The following ZNF273 variants were observed in gnomAD, a reference collection of about 807,000 sequenced individuals.
ZNF273 encodes zinc finger protein 9.
In ZNF273, 11 loss-of-function variants were observed where a neutral mutation model predicts 14.9. The ratio of observed to expected loss-of-function variants is 0.74; its 90% CI spans 0.46 to 1.22. ZNF273 has a LOEUF of 1.22. Among genes scored for constraint, ZNF273 ranks in the 50% most tolerant of loss-of-function variants. The pLI is 0.00. For synonymous variants in ZNF273, 199 were observed against 223.9 expected, an observed-to-expected ratio of 0.89 and a Z score of 0.99; for missense variants, 577 against 660.6, an observed-to-expected ratio of 0.87 and a Z score of 1.39.
chr7:64,901,604 G>A (rs1381017070), upstream of ZNF273, among the ~76,000 whole-genome samples: 4 of 152,166 alleles, frequency 2.6e-5, 1 homozygote, highest in Admixed American at 2.0e-4. Flanking sequence ...CAGATGATAG[G>A]TGATTATTTC....
intron 3 of ZNF273, among the ~76,000 whole-genome samples, chr7:64,924,952 G>A (rs140369525): frequency 1.6e-3 from 244 of 151,970 alleles, no homozygotes; most frequent in Non-Finnish European, 2.4e-3. Context: ...ACAGGCACCC[G>A]CCACCATGCC....
intron 3 of ZNF273, among the ~76,000 whole-genome samples, chr7:64,896,605 A>G (rs1792376763): frequency 6.6e-6 from 1 of 152,114 alleles, no homozygotes; most frequent in Non-Finnish European, 1.5e-5. Context: ...TATTTACTAT[A>G]ATATATTTAG....
upstream of ZNF273, among the ~76,000 whole-genome samples, chr7:64,902,988 T>G (rs1792824417): frequency 6.6e-6 from 1 of 152,204 alleles, no homozygotes; most frequent in African/African-American, 2.4e-5. Context: ...CACACTATAC[T>G]ATTTATTAAT....
At chr7:64,889,140 A>T (rs1039335059), downstream of ZNF273, 6 of 985,700 alleles carry the variant, frequency 6.1e-6, no homozygotes, top group Non-Finnish European at 7.2e-6. The surrounding 1 kb of genome is among the most constrained non-coding windows in gnomAD (Gnocchi z 4.2). Flanking sequence ...CTCGTTGCGG[A>T]GGGGACGCCC....
At chr7:64,889,319 T>C, downstream of ZNF273, 3 of 963,242 alleles carry the variant, frequency 3.1e-6, no homozygotes, top group Non-Finnish European at 3.7e-6. This position sits in a 1 kb window ranked among gnomAD's most constrained non-coding sequence, Gnocchi z 4.2. Context: ...GCCTGAGCCG[T>C]ACCCACCGCG....
upstream of ZNF273, among the ~76,000 whole-genome samples, chr7:64,898,593 T>C (rs1380009063): frequency 2.0e-5 from 3 of 152,228 alleles, no homozygotes; most frequent in East Asian, 1.9e-4. Flanking sequence ...AAATAAACAA[T>C]CTTTTACTAA....
At chr7:64,884,619 A>G (rs2129033361), downstream of ZNF273, among the ~76,000 whole-genome samples, 1 of 152,270 alleles carries the variant, frequency 6.6e-6, no homozygotes, top group East Asian at 1.9e-4. Flanking sequence ...AGTGAGCTCA[A>G]AGGCCTCACA....
At chr7:64,896,376 C>A (rs1017314830) in intron 3 of ZNF273, among the ~76,000 whole-genome samples, 7 of 152,168 alleles carry the variant, frequency 4.6e-5, no homozygotes, top group Non-Finnish European at 8.8e-5. Context: ...AAAACAGTGG[C>A]TTTAAAACTC....
exon 2 of ZNF273, chr7:64,888,721 GGGA>G (rs2129039635): frequency 1.0e-6 from 1 of 985,780 alleles, no homozygotes; most frequent in Admixed American, 6.1e-5. Flanking sequence ...ACAGCGGGAT[GGGA>G]GAGTCCCGTT....
chr7:64,928,972 C>T lies in ZNF273; in HGVS notation c.1644C>T (p.Asp548=). ...AACCATACAAACCTAAAAGATGTGA[C>T]AGTGCTTTTGACAACACCCCAAACT... ...GEKPYKPKRC[D]SAFDNTPNFS... is the part of the protein sequence containing the mutation. The change falls in exon 4 of 4, where the codon GAC becomes GAT. Residue 548 remains aspartate (D), a synonymous_variant. Transcript: ENST00000476120. 6.3e-7 allele frequency: 1 copy of T among 1,599,964 alleles called. No homozygotes were observed. The highest frequency in any genetic ancestry group is 1.1e-5 in the South Asian group (1 of 88,556).
downstream of ZNF273, chr7:64,889,582 G>A: frequency 1.0e-6 from 1 of 986,206 alleles, no homozygotes; most frequent in Non-Finnish European, 1.2e-6. This position sits in a 1 kb window ranked among gnomAD's most constrained non-coding sequence, Gnocchi z 4.2. Context: ...AGTGAGATGG[G>A]GCTGGCGGGG....
At chr7:64,880,261 C>A (rs1240190085), downstream of ZNF273, 7 of 152,192 alleles carry the variant, frequency 4.6e-5, no homozygotes, top group African/African-American at 1.4e-4. Flanking sequence ...GGATACATCG[C>A]GAAATCCCTA....
chr7:64,884,166 T>C (rs1791442925), downstream of ZNF273, among the ~76,000 whole-genome samples: 1 of 152,210 alleles, frequency 6.6e-6, no homozygotes, highest in Non-Finnish European at 1.5e-5. Context: ...CCACAGATCT[T>C]TTGCTTGCCA....
At chr7:64,902,783 T>C (rs569965560), upstream of ZNF273, among the ~76,000 whole-genome samples, 3 of 152,134 alleles carry the variant, frequency 2.0e-5, no homozygotes, top group Non-Finnish European at 2.9e-5. Context: ...CCTAGGTAGA[T>C]AAAAGACAAA....
chr7:64,884,952 G>GCTGACAGCCCTGACAGCC (rs369213527), intron 1 of ZNF273, among the ~76,000 whole-genome samples: 1 of 152,236 alleles, frequency 6.6e-6, no homozygotes, highest in Non-Finnish European at 1.5e-5. Context: ...GCTCAGGCAG[G>GCTGACAGCCCTGACAGCC]CTGACAGCCC....
At position 64,928,211 on chromosome 7, in the gene ZNF273, T is replaced by G. The variant is rs758239017; in HGVS notation, c.883T>G (p.Cys295Gly). ...TEEKPYKCED[C>G]GKVFSVFSVL... ...AGAGAAACCTTACAAATGTGAAGAT[T>G]GTGGCAAAGTCTTTAGTGTATTTTC... The change falls in exon 4 of 4, where the codon TGT becomes GGT. Residue 295 changes from cysteine (C) to glycine (G), a missense_variant. Cys to Gly is a radical substitution (Grantham distance 159). Coordinates refer to ENST00000476120, the MANE Select transcript of ZNF273 (RefSeq NM_021148.3). 1.9e-6 allele frequency: 3 copies of G among 1,613,310 alleles called. No individual in the cohort carries two copies. Among genetic ancestry groups the G allele is most frequent in the Non-Finnish European group, 2.5e-6 (3 of 1,179,792 alleles).
chr7:64,892,454 A>G (rs1199778637), downstream of ZNF273, among the ~76,000 whole-genome samples: 1 of 152,220 alleles, frequency 6.6e-6, no homozygotes, highest in East Asian at 1.9e-4. Context: ...TTGGATGGGC[A>G]TCCTCTGTCT....
At chr7:64,931,510 A>G (rs148605947), downstream of ZNF273, among the ~76,000 whole-genome samples, 22 of 152,278 alleles carry the variant, frequency 1.4e-4, no homozygotes, top group African/African-American at 5.1e-4. Context: ...TAATTTTACT[A>G]TTAGTCTATT....
At chr7:64,886,409 C>T (rs1456423937) in intron 1 of ZNF273, among the ~76,000 whole-genome samples, 1 of 152,190 alleles carries the variant, frequency 6.6e-6, no homozygotes, top group Non-Finnish European at 1.5e-5. Flanking sequence ...GATAAGTGAG[C>T]TCACTGTCAC....
Sources: allele counts gnomAD v4.1 joint callset (sites outside exome capture counted in the v4.1 genomes callset), GRCh38; gene constraint gnomAD v4.1.1; non-coding constraint Gnocchi (gnomAD v3.1); transcripts MANE v1.5; gene names NCBI Gene and HGNC (gene_info 2026-07-23, HGNC 2026-07-21).